Variants in ART3 observed in about 807,000 individuals in gnomAD.
The protein encoded by ART3 is ecto-ADP-ribosyltransferase 3.
In ART3, 49 loss-of-function variants were observed where a neutral mutation model predicts 48.5. The ratio of observed to expected loss-of-function variants is 1.01; its 90% confidence interval spans 0.80 to 1.28. The LOEUF is 1.28. Among genes scored for constraint, ART3 ranks in the 50% most tolerant of loss-of-function variants. ART3 has a pLI of 0.00. For synonymous variants in ART3, 145 were observed against 157.2 expected, an observed-to-expected ratio of 0.92 and a Z score of 0.58; for missense variants, 438 against 454.3, an observed-to-expected ratio of 0.96 and a Z score of 0.33.
intron 3 of ART3, among the ~76,000 whole-genome samples, chr4:76,095,480 C>CT (rs1725798780): frequency 6.6e-6 from 1 of 152,142 alleles, no homozygotes; most frequent in Non-Finnish European, 1.5e-5. Context: ...TGCACTCCAG[C>CT]CTGGGTGACA....
rs868735375 is a variant in ART3 at position 76,107,932 on chromosome 4, T to G, written c.1036+139T>G. ...CTTAATAACAGAGTATAATGTCATA[T>G]CCAAAAGCTTGTGTGTGCATGTGTG... On this transcript the variant is annotated intron_variant, in intron 11 of 11. Coordinates refer to ENST00000355810, the MANE Select transcript of ART3 (RefSeq NM_001130016.3). 5.6e-5 allele frequency: 35 copies of G among 625,266 alleles called. No individual in the cohort carries two copies. The Middle Eastern group carries it at 3.2e-3, about 58-fold the overall frequency. 38.7% of individuals were successfully genotyped at this position (625,266 alleles called of 1,614,324 possible).
At chr4:76,103,830 T>C (rs1727862711) in intron 8 of ART3, 107 bp from the exon 9 acceptor site, 9 of 285,488 alleles carry the variant, frequency 3.2e-5, no homozygotes, top group Admixed American at 2.2e-4. Flanking sequence ...TCCCCCTGCC[T>C]TTTTTTTTTT....
In ART3 at chr4:76,064,780, T is replaced by A. The variant is rs192358319; in HGVS notation, c.-9-11101T>A. Among the ~76,000 whole-genome samples, 10 of 152,008 alleles carry A rather than the reference T, an allele frequency of 6.6e-5. 1 individual carries two copies. Among genetic ancestry groups the A allele is most frequent in the Admixed American group, 5.9e-4 (9 of 15,258 alleles). Reference sequence around the variant, plus strand: ...TGGATGCTTTAAAATATACTAACAATATTGCTTCAATTATCAGTGTTGGTA... The same window carrying A: ...TGGATGCTTTAAAATATACTAACAAAATTGCTTCAATTATCAGTGTTGGTA... On this transcript the variant is annotated intron_variant, in intron 1 of 9. Transcript: ENST00000341029.
chr4:76,060,570 A>G (rs934332444), intron 1 of ART3, among the ~76,000 whole-genome samples: 2 of 152,044 alleles, frequency 1.3e-5, no homozygotes, highest in Non-Finnish European at 2.9e-5. Context: ...AATTCCTGGA[A>G]TCTGTGAATA....
intron 1 of ART3, among the ~76,000 whole-genome samples, chr4:76,052,774 G>A (rs903349553): frequency 3.6e-4 from 54 of 148,426 alleles, no homozygotes; most frequent in African/African-American, 1.2e-3. Flanking sequence ...GAGTGCACGG[G>A]CACGATCTCG....
intron 3 of ART3, among the ~76,000 whole-genome samples, chr4:76,089,928 A>C (rs1222553722): frequency 6.6e-6 from 1 of 152,022 alleles, no homozygotes; most frequent in Non-Finnish European, 1.5e-5. Context: ...AAAAATACAA[A>C]AATTAGCCAG....
upstream of ART3, among the ~76,000 whole-genome samples, chr4:76,072,684 T>C (rs932548605): frequency 3.5e-5 from 4 of 113,044 alleles, no homozygotes; most frequent in Non-Finnish European, 6.7e-5. Flanking sequence ...CCTTTTCTCT[T>C]AGAGTGAAAG....
intron 1 of ART3, among the ~76,000 whole-genome samples, chr4:76,019,322 G>A (rs991689917): frequency 3.3e-5 from 5 of 150,820 alleles, no homozygotes; most frequent in Admixed American, 1.3e-4. Flanking sequence ...ATGTGAGTTA[G>A]TTTTAAAATA....
intron 1 of ART3, among the ~76,000 whole-genome samples, chr4:76,039,486 C>T (rs1345954877): frequency 6.6e-6 from 1 of 152,156 alleles, no homozygotes; most frequent in Non-Finnish European, 1.5e-5. Flanking sequence ...AGCTGTTTTT[C>T]AGCATTAACA....
In ART3 at chr4:76,019,410, GTTTC is replaced by G. The variant is rs561042536; in HGVS notation, c.-10+8096_-10+8099del. ...AAATTATACTACAACAGATTTTATT[GTTTC>G]TTTCTAGGAAGATCAGTGTACTGTA... On this transcript the variant is annotated intron_variant, in intron 1 of 9. Transcript: ENST00000341029. Among the ~76,000 whole-genome samples, 198 of 148,150 alleles carry G rather than the reference GTTTC, an allele frequency of 1.3e-3. 1 individual carries two copies. Among genetic ancestry groups the G allele is most frequent in the African/African-American group, 3.3e-3 (131 of 40,104 alleles).
rs1423038259 is a variant in ART3 at position 76,082,555 on chromosome 4, G to A, written c.781+20G>A. On this transcript the variant is annotated intron_variant, in intron 3 of 11. Coordinates refer to ENST00000355810, the MANE Select transcript of ART3 (RefSeq NM_001130016.3). ...TAGGTGGTAAGTGTCTGCTCTGTCT[G>A]TGCTTGGCTGGGAGGGAAGGAGTGG... The A allele has an allele frequency of 2.6e-5, 39 of 1,528,804 alleles. No homozygotes were observed. The highest frequency in any genetic ancestry group is 3.2e-5 in the Non-Finnish European group (37 of 1,140,412). 94.7% of individuals were successfully genotyped at this position (1,528,804 alleles called of 1,614,324 possible).
chr4:76,022,439 T>C (rs754930621), intron 1 of ART3: 5 of 1,613,062 alleles, frequency 3.1e-6, no homozygotes, highest in Non-Finnish European at 4.2e-6. Context: ...TTCTCACCCT[T>C]CTTTTTCATT....
At chr4:76,089,836 C>T (rs1724456410) in intron 3 of ART3, among the ~76,000 whole-genome samples, 1 of 152,128 alleles carries the variant, frequency 6.6e-6, no homozygotes, top group Admixed American at 6.6e-5. Flanking sequence ...AATCCCAGCA[C>T]TTTGGGAGGC....
chr4:76,108,665 A>G (rs949211957), intron 11 of ART3, among the ~76,000 whole-genome samples: 13 of 100,534 alleles, frequency 1.3e-4, no homozygotes, highest in Non-Finnish European at 2.1e-4. Flanking sequence ...TGCATTGCTT[A>G]ACAAGATGGG....
intron 1 of ART3, among the ~76,000 whole-genome samples, chr4:76,020,161 C>G (rs1208589554): frequency 6.7e-6 from 1 of 149,856 alleles, no homozygotes; most frequent in Non-Finnish European, 1.5e-5. Flanking sequence ...AGGTCTCACT[C>G]TGTTGCCCAA....
At chr4:76,032,873 A>T (rs1193166976) in intron 1 of ART3, among the ~76,000 whole-genome samples, 1 of 152,116 alleles carries the variant, frequency 6.6e-6, no homozygotes, top group African/African-American at 2.4e-5. Context: ...GATGTGAGCC[A>T]TCGCACCCAG....
intron 3 of ART3, among the ~76,000 whole-genome samples, chr4:76,092,735 T>C (rs997807771): frequency 3.3e-5 from 5 of 152,202 alleles, no homozygotes; most frequent in Non-Finnish European, 7.3e-5. Flanking sequence ...TTCACCCCTC[T>C]CTTCTTCCTT....
At chr4:76,045,787 T>C (rs1346480651) in intron 1 of ART3, among the ~76,000 whole-genome samples, 1 of 151,984 alleles carries the variant, frequency 6.6e-6, no homozygotes, top group African/African-American at 2.4e-5. Flanking sequence ...GGGGCCTGGC[T>C]ATCTTGCTGT....
chr4:76,023,598 T>C lies in ART3; in HGVS notation c.-10+12278T>C, dbSNP rs1445920773. The C allele has an allele frequency of 1.3e-5, 7 of 549,472 alleles. No homozygotes were observed. The South Asian group carries it at 1.8e-4, about 14-fold the overall frequency. 34.0% of individuals were successfully genotyped at this position (549,472 alleles called of 1,614,324 possible). On this transcript the variant is annotated intron_variant, in intron 1 of 9. Transcript: ENST00000341029. ...TTACAGTTGACTTAGCAAAACCTGC[T>C]GGCTGTTCCTGGGGAAGTCCCATGT...
Sources: gnomAD v4.1 joint callset for allele counts (sites outside exome capture counted in the v4.1 genomes callset) on GRCh38, gnomAD v4.1.1 for gene constraint, MANE v1.5 for transcripts, NCBI Gene and HGNC (gene_info 2026-07-23, HGNC 2026-07-21) for gene names.